The following NDST4 variants were observed in gnomAD, a reference collection of about 807,000 sequenced individuals.
The protein encoded by NDST4 is N-deacetylase and N-sulfotransferase 4.
Under a neutral mutation model 100.8 loss-of-function variants are expected in NDST4, and 63 were observed. That is an observed-to-expected ratio of 0.62 (90% confidence interval 0.51 to 0.77). The LOEUF is 0.77. NDST4 is among the 30% of genes least tolerant of loss of function. The probability of loss-of-function intolerance (pLI) is 0.00; values close to 1 mark genes in which losing one functional copy is unlikely to be tolerated. For synonymous variants in NDST4, 377 were observed against 361.8 expected, an observed-to-expected ratio of 1.04 and a Z score of -0.48; for missense variants, 943 against 1,018.4, an observed-to-expected ratio of 0.93 and a Z score of 1.01.
At position 114,845,004 on chromosome 4, in the gene NDST4, A is replaced by G. The variant is rs1723512793; in HGVS notation, c.2115+819T>C. On this transcript the variant is annotated intron_variant, in intron 10 of 13. Coordinates refer to ENST00000264363, the MANE Select transcript of NDST4 (RefSeq NM_022569.3). ...TTTGTAATCACTTTCTTGCCAGCAGAGAAAAACATCATAATTGTTGTCAAG... is the reference window on the plus strand; with the variant it reads ...TTTGTAATCACTTTCTTGCCAGCAGGGAAAAACATCATAATTGTTGTCAAG... 5.3e-5 allele frequency among the ~76,000 whole-genome samples: 8 copies of G among 152,210 alleles called. 1 individual carries two copies. In the South Asian group the frequency reaches 1.2e-3, roughly 24 times the overall value.
intron 6 of NDST4, among the ~76,000 whole-genome samples, chr4:114,879,290 T>G (rs1724318313): frequency 6.6e-6 from 1 of 152,196 alleles, no homozygotes. Context: ...GCAAGTTTTA[T>G]CCATCAGAAT....
In NDST4 at chr4:114,977,230, A is replaced by C; in HGVS notation, c.1023T>G (p.Asn341Lys). Residue 341 changes from asparagine to lysine, a missense_variant, in exon 3 of 14, where the codon AAT becomes AAG. Transcript: ENST00000264363. ...CTGAAAATCCAAGGTTGAAGGTAAAATTTGCAACCTGAGTGCGCAGTAAAT... is the reference window on the plus strand; with the variant it reads ...CTGAAAATCCAAGGTTGAAGGTAAACTTTGCAACCTGAGTGCGCAGTAAAT... ...TQNLLRTQVA[N>K]FTFNLGFSGK... 1 of 1,611,074 alleles carries C rather than the reference A, an allele frequency of 6.2e-7. No individual in the cohort carries two copies. Among genetic ancestry groups the C allele is most frequent in the Non-Finnish European group, 8.5e-7 (1 of 1,178,174 alleles).
At chr4:115,013,370 T>TATATATATATATATATATACAC (rs74678897) in intron 2 of NDST4, among the ~76,000 whole-genome samples, 76 of 71,436 alleles carry the variant, frequency 1.1e-3, no homozygotes, top group Admixed American at 3.6e-3. Flanking sequence ...TATATATATA[T>TATATATATATATATATATACAC]ACACACACAT....
rs960929354 is a variant in NDST4 at position 115,082,062 on chromosome 4, C to A, written c.-246-4780G>T. The stretch of plus-strand genomic sequence containing the variant: ...TGTCACAAAATGTGGGCTTCATGAC[C>A]CCTGCACAGGCTTTGATAAGAAAAA... On this transcript the variant is annotated intron_variant, in intron 1 of 13. Transcript: ENST00000264363. Among the ~76,000 whole-genome samples the A allele has an allele frequency of 1.3e-5, 2 of 151,928 alleles. 1 individual carries two copies. Among genetic ancestry groups the A allele is most frequent in the African/African-American group, 4.8e-5 (2 of 41,366 alleles).
In NDST4 at chr4:114,899,306, T is replaced by C. The variant is rs533459043; in HGVS notation, c.1537-28356A>G. ...CATTCTCCTGCCTCAGCCTCCTGAG[T>C]AGCTGGGACTACAGGCCTGTGCCAC... On this transcript the variant is annotated intron_variant, in intron 6 of 13. Coordinates refer to ENST00000264363, the MANE Select transcript of NDST4 (RefSeq NM_022569.3). 2.5e-4 allele frequency among the ~76,000 whole-genome samples: 38 copies of C among 152,232 alleles called. No homozygotes were observed. The South Asian group carries it at 7.9e-3, about 32-fold the overall frequency.
intron 4 of NDST4, among the ~76,000 whole-genome samples, chr4:114,952,205 C>G (rs1726006679): frequency 6.6e-6 from 1 of 152,020 alleles, no homozygotes; most frequent in Non-Finnish European, 1.5e-5. Flanking sequence ...AGATGTAAAT[C>G]TTGATAGATT....
At chr4:115,041,515 C>A (rs1195671973) in intron 2 of NDST4, among the ~76,000 whole-genome samples, 1 of 152,000 alleles carries the variant, frequency 6.6e-6, no homozygotes, top group Non-Finnish European at 1.5e-5. Flanking sequence ...AAGGTGATTT[C>A]TGGTTAGCTG....
At chr4:114,905,669 C>A (rs780330877) in intron 6 of NDST4, among the ~76,000 whole-genome samples, 1 of 151,818 alleles carries the variant, frequency 6.6e-6, no homozygotes, top group Non-Finnish European at 1.5e-5. Context: ...ATTCACTATT[C>A]AGTCAGTTCA....
At chr4:114,938,721 C>T (rs17679276) in intron 4 of NDST4, among the ~76,000 whole-genome samples, 57,589 of 152,022 alleles carry the variant, frequency 0.38, 13,213 homozygotes, top group African/African-American at 0.65. Context: ...CTTAGTCATA[C>T]GCTACACTCA....
rs58065684 is a variant in NDST4, at chr4:114,986,832, A to ATTTT, written c.979-9562_979-9559dup. ...TATATATATATATATATATATATAT[A>ATTTT]TTTTAATATACTATTCCTATAAGCT... On this transcript the variant is annotated intron_variant, in intron 2 of 13. Transcript: ENST00000264363. 3.7e-3 allele frequency among the ~76,000 whole-genome samples: 347 copies of ATTTT among 94,626 alleles called. 9 individuals carry two copies. The highest frequency in any genetic ancestry group is 0.012 in the African/African-American group (311 of 26,984). 62.1% of individuals were successfully genotyped at this position (94,626 alleles called of 152,430 possible).
intron 6 of NDST4, among the ~76,000 whole-genome samples, chr4:114,924,177 A>G (rs1186424505): frequency 6.6e-6 from 1 of 152,090 alleles, no homozygotes; most frequent in Non-Finnish European, 1.5e-5. Context: ...AATAAATCCT[A>G]TTGTGGAAAA....
chr4:115,079,701 GAT>G (rs1316097390), intron 1 of NDST4, among the ~76,000 whole-genome samples: 1 of 152,098 alleles, frequency 6.6e-6, no homozygotes, highest in Non-Finnish European at 1.5e-5. Flanking sequence ...TCACACTGTG[GAT>G]ATTTTATGGA....
intron 2 of NDST4, among the ~76,000 whole-genome samples, chr4:114,985,186 G>T (rs1187185052): frequency 2.0e-5 from 3 of 151,758 alleles, no homozygotes; most frequent in African/African-American, 4.8e-5. Context: ...CACTCAATCT[G>T]AAAAAAAACC....
At position 114,896,622 on chromosome 4, in the gene NDST4, CAAA is replaced by C. The variant is rs34174566; in HGVS notation, c.1537-25675_1537-25673del. ...CTAGTGACAGAGTGAGACTCCGTCT[CAAA>C]AAAAAAAAAAAAAAATTTGCTTTGG... On this transcript the variant is annotated intron_variant, in intron 6 of 13. Coordinates refer to ENST00000264363, the MANE Select transcript of NDST4 (RefSeq NM_022569.3). Among the ~76,000 whole-genome samples, 209 of 103,898 alleles carry C rather than the reference CAAA, an allele frequency of 2.0e-3. 2 individuals carry two copies. Among genetic ancestry groups the C allele is most frequent in the East Asian group, 0.014 (42 of 2,932 alleles). 68.2% of individuals were successfully genotyped at this position (103,898 alleles called of 152,430 possible).
intron 7 of NDST4, among the ~76,000 whole-genome samples, chr4:114,856,402 G>A (rs533548198): frequency 1.4e-4 from 22 of 152,038 alleles, no homozygotes; most frequent in Non-Finnish European, 2.5e-4. Flanking sequence ...ATATGAAAAT[G>A]TCTAAATATT....
intron 2 of NDST4, among the ~76,000 whole-genome samples, chr4:115,060,679 AGTTT>A (rs1243219499): frequency 6.6e-6 from 1 of 151,910 alleles, no homozygotes; most frequent in African/African-American, 2.4e-5. Flanking sequence ...TAAATTTGGG[AGTTT>A]ATGTAATAAT....
chr4:114,943,780 G>T lies in NDST4; in HGVS notation c.1222-6277C>A, dbSNP rs574235694. 2.0e-5 allele frequency among the ~76,000 whole-genome samples: 3 copies of T among 152,200 alleles called. No individual in the cohort carries two copies. In the East Asian group the frequency reaches 5.8e-4, roughly 29 times the overall value. On this transcript the variant is annotated intron_variant, in intron 4 of 13. Transcript: ENST00000264363. ...GACCTTGAGAGAGACTTATTTTTCTGTGCCTCAAATTTCTCATTTATAAAA... is the reference window on the plus strand; with the variant it reads ...GACCTTGAGAGAGACTTATTTTTCTTTGCCTCAAATTTCTCATTTATAAAA...
chr4:115,099,128 T>C (rs1416869489), intron 1 of NDST4, among the ~76,000 whole-genome samples: 1 of 152,192 alleles, frequency 6.6e-6, no homozygotes, highest in Non-Finnish European at 1.5e-5. Context: ...ACACAGACTT[T>C]ACAACCTTTT....
At position 115,027,677 on chromosome 4, in the gene NDST4, T is replaced by G. The variant is rs147166070; in HGVS notation, c.978+48382A>C. ...TTTTGTAATTTCATACGTACTGTAT[T>G]TTGGTATCCTGTTGGAAACTTAAAT... On this transcript the variant is annotated intron_variant, in intron 2 of 13. Transcript: ENST00000264363. Among the ~76,000 whole-genome samples, 410 of 152,260 alleles carry G rather than the reference T, an allele frequency of 2.7e-3. 1 individual carries two copies. The highest frequency in any genetic ancestry group is 9.5e-3 in the African/African-American group (395 of 41,578).
Sources: allele counts gnomAD v4.1 joint callset (sites outside exome capture counted in the v4.1 genomes callset), GRCh38; gene constraint gnomAD v4.1.1; transcripts MANE v1.5; gene names NCBI Gene and HGNC (gene_info 2026-07-23, HGNC 2026-07-21).